TP53BP1: variants seen among roughly 807,000 people sequenced by gnomAD.
TP53BP1 encodes tumor protein p53 binding protein 1, also known as TP53-binding protein 1.
TP53BP1 carries 61 observed loss-of-function variants against 200.8 expected under a neutral mutation model. The ratio of observed to expected loss-of-function variants is 0.30; its 90% CI spans 0.25 to 0.38. TP53BP1 has a LOEUF of 0.38. Among genes scored for constraint, TP53BP1 ranks in the 10% least tolerant of loss-of-function variants. TP53BP1 has a pLI of 1.00. For missense variants in TP53BP1, 2,144 were observed against 2,371.9 expected (o/e 0.90, Z 2.00); for synonymous variants, 822 against 844.3 (o/e 0.97, Z 0.46).
chr15:43,459,669 CTTT>C (rs879655790), intron 11 of TP53BP1, among the ~76,000 whole-genome samples: 1 of 144,140 alleles, frequency 6.9e-6, no homozygotes, highest in Non-Finnish European at 1.5e-5. Context: ...TCTTTTTTTT[CTTT>C]TTTTTTTTTA....
At chr15:43,491,802 C>T (rs555252) in intron 3 of TP53BP1, 49 bp from the exon 4 acceptor site, 1,462,503 of 1,475,160 alleles carry the variant, frequency 0.99, 725,543 homozygotes, top group Non-Finnish European at 1. Context: ...ACCAACAAAC[C>T]TTAATACAAA....
Position 43,409,095 on chromosome 15 carries a change from C to T in TP53BP1, c.5402G>A (p.Cys1801Tyr). The T allele has an allele frequency of 6.2e-7, 1 of 1,614,106 alleles. No homozygotes were observed. Among genetic ancestry groups the T allele is most frequent in the Non-Finnish European group, 8.5e-7 (1 of 1,179,974 alleles). Residue 1801 changes from cysteine (C) to tyrosine (Y), a missense_variant and splice_region_variant, in exon 26 of 28, where the codon TGT (cysteine) becomes TAT (tyrosine). Cys to Tyr is a radical substitution (Grantham distance 194). This residue lies in a region of TP53BP1 where 334 missense variants were observed against 453.4 expected (regional missense o/e 0.74). Transcript: ENST00000382044. ...TAGAAGACACTGGTAAGCTGTGTTACACTGCAAGAAAAGAAGCAGAGCCAA... is the reference window on the plus strand; with the variant it reads ...TAGAAGACACTGGTAAGCTGTGTTATACTGCAAGAAAAGAAGCAGAGCCAA... ...YILEDFNEAQ[C>Y]NTAYQCLLIA...
Position 43,470,047 on chromosome 15 carries a change from T to C in TP53BP1, c.1200A>G (p.Ser400=), listed in dbSNP as rs769944275. 8.7e-6 allele frequency: 14 copies of C among 1,613,040 alleles called. No homozygotes were observed. The highest frequency in any genetic ancestry group is 3.3e-5 in the Admixed American group (2 of 60,028). Residue 400 remains serine, a synonymous_variant, in exon 11 of 28, where the codon TCA becomes TCG. Transcript: ENST00000382044. ...GCTCTCCTCCTTCTTCAGATAACAC[T>C]GACGTGTCCATTGGCTTATCTGGTT... ...EGRQDKPMDT[S]VLSEEGGEPF...
At chr15:43,435,443 C>T (rs1170205362) in intron 16 of TP53BP1, among the ~76,000 whole-genome samples, 2 of 152,052 alleles carry the variant, frequency 1.3e-5, no homozygotes, top group Non-Finnish European at 2.9e-5. Context: ...ATATAACCAA[C>T]ATCTTGGCAC....
At chr15:43,466,980 C>T (rs1322559670) in intron 11 of TP53BP1, among the ~76,000 whole-genome samples, 1 of 151,994 alleles carries the variant, frequency 6.6e-6, no homozygotes, top group Non-Finnish European at 1.5e-5. Flanking sequence ...TTTTAACTAT[C>T]TGACTTATTT....
intron 1 of TP53BP1, 140 bp downstream of exon 1, chr15:43,492,897 C>T (rs1483256020): frequency 3.6e-6 from 3 of 834,842 alleles, no homozygotes; most frequent in Non-Finnish European, 3.6e-6. Context: ...GTTTCCCCAC[C>T]CCCTCCTTAG....
intron 11 of TP53BP1, among the ~76,000 whole-genome samples, chr15:43,466,937 G>T (rs558106828): frequency 3.3e-5 from 5 of 152,242 alleles, no homozygotes; most frequent in Non-Finnish European, 5.9e-5. Flanking sequence ...ACGAAAAGTG[G>T]TTATCTTTGG....
chr15:43,432,178 T>C lies in TP53BP1; in HGVS notation c.3675+16A>G. 6.2e-7 allele frequency: 1 copy of C among 1,610,516 alleles called. No individual in the cohort carries two copies. Among genetic ancestry groups the C allele is most frequent in the Non-Finnish European group, 8.5e-7 (1 of 1,178,014 alleles). ...TAAAAACAAGGCCTCTGATGCACCC[T>C]AGTATGTTCTCTCACCTGGCTATGG... is the stretch of plus-strand genomic sequence containing the variant. On this transcript the variant is annotated intron_variant, in intron 17 of 27. Transcript: ENST00000382044.
Position 43,421,960 on chromosome 15 carries a change from C to T in TP53BP1, c.3995G>A (p.Ser1332Asn). 1 of 1,614,204 alleles carries T rather than the reference C, an allele frequency of 6.2e-7. No individual in the cohort carries two copies. The highest frequency in any genetic ancestry group is 1.1e-5 in the South Asian group (1 of 91,086). ...TCCGGCTCCTTTCCCTGAGCTTCCA[C>T]TGCTGTGCATAGCTGAGAGACTTGT... ...SGTSLSAMHS[S>N]GSSGKGAGPL... Residue 1332 changes from serine (S) to asparagine (N), a missense_variant, in exon 19 of 28, where the codon AGT becomes AAT. Transcript: ENST00000382044.
intron 1 of TP53BP1, among the ~76,000 whole-genome samples, chr15:43,504,041 T>C (rs759774112): frequency 8.5e-5 from 13 of 152,104 alleles, no homozygotes; most frequent in African/African-American, 1.4e-4. Context: ...TCCCATAGCT[T>C]TGGGAGACCA....
intron 12 of TP53BP1, 84 bp from the exon 13 acceptor site, chr15:43,447,569 A>G: frequency 8.3e-7 from 1 of 1,211,146 alleles, no homozygotes; most frequent in Admixed American, 3.0e-5. Context: ...AAAAATAATA[A>G]GAACTGCAAG....
intron 12 of TP53BP1, among the ~76,000 whole-genome samples, chr15:43,452,541 C>T (rs891977829): frequency 2.0e-5 from 3 of 151,896 alleles, no homozygotes; most frequent in Non-Finnish European, 2.9e-5. Context: ...CCAGCCTGGG[C>T]GACAGAGTGA....
At chr15:43,442,321 C>G (rs1270375683) in intron 14 of TP53BP1, among the ~76,000 whole-genome samples, 1 of 151,872 alleles carries the variant, frequency 6.6e-6, no homozygotes, top group African/African-American at 2.4e-5. Flanking sequence ...CTCCTGACCT[C>G]GTGATCCGCC....
chr15:43,408,459 T>G, intron 26 of TP53BP1: 1 of 262,548 alleles, frequency 3.8e-6, no homozygotes, highest in South Asian at 5.1e-5. Flanking sequence ...CCAGCCTAGG[T>G]GACAGAGCAA....
chr15:43,452,721 T>TA (rs1418185099), intron 12 of TP53BP1, among the ~76,000 whole-genome samples: 1 of 152,168 alleles, frequency 6.6e-6, no homozygotes, highest in African/African-American at 2.4e-5. Flanking sequence ...AATCATGAAA[T>TA]AAACACGAAA....
In TP53BP1 at chr15:43,480,943, T is replaced by C. The variant is rs761719294; in HGVS notation, c.451A>G (p.Lys151Glu). The change falls in exon 5 of 28, where the codon AAG becomes GAG. Residue 151 changes from lysine to glutamate, a missense_variant. Physicochemically the swap from Lys to Glu is moderately conservative, Grantham distance 56 (BLOSUM62 1). Coordinates refer to ENST00000382044, the MANE Select transcript of TP53BP1 (RefSeq NM_001141980.3). Reference protein sequence around the residue: ...GEELEQKEKEKEEDTSGNTTH... With the variant: ...GEELEQKEKEEEEDTSGNTTH... ...GTATTGCCTGAAGTATCTTCTTCCT[T>C]CTCTTTCTCCTTCTGTTCCAACTCT... 6.2e-7 allele frequency: 1 copy of C among 1,614,142 alleles called. No individual in the cohort carries two copies. The highest frequency in any genetic ancestry group is 1.1e-5 in the South Asian group (1 of 91,080).
intron 24 of TP53BP1, among the ~76,000 whole-genome samples, chr15:43,412,287 C>T (rs1255194606): frequency 6.6e-6 from 1 of 152,218 alleles, no homozygotes; most frequent in Non-Finnish European, 1.5e-5. Flanking sequence ...TCCAGTGGTG[C>T]AAATTATGAC....
intron 4 of TP53BP1, among the ~76,000 whole-genome samples, chr15:43,482,017 G>C (rs986199602): frequency 1.7e-4 from 26 of 148,660 alleles, no homozygotes; most frequent in Non-Finnish European, 3.4e-4. Context: ...CACGAGATCA[G>C]GAGATCGAGA....
At chr15:43,423,200 T>G (rs1388025913) in intron 18 of TP53BP1, among the ~76,000 whole-genome samples, 1 of 149,742 alleles carries the variant, frequency 6.7e-6, no homozygotes, top group Non-Finnish European at 1.5e-5. Context: ...GAAAAGATTC[T>G]AAGACCAATC....
Sources: gnomAD v4.1 joint callset for allele counts (sites outside exome capture counted in the v4.1 genomes callset) on GRCh38, gnomAD v4.1.1 for gene constraint, gnomAD v4.1.1 regional missense constraint, MANE v1.5 for transcripts, NCBI Gene and HGNC (gene_info 2026-07-23, HGNC 2026-07-21) for gene names.